COL15A1: variants seen among roughly 807,000 people sequenced by gnomAD.
COL15A1 encodes the protein collagen type XV alpha 1 chain, also known as collagen alpha-1(XV) chain.
COL15A1 carries 111 observed loss-of-function variants against 165.9 expected under a neutral mutation model. The ratio of observed to expected loss-of-function variants is 0.67; its 90% CI spans 0.57 to 0.78. The LOEUF (loss-of-function observed/expected upper bound fraction) is 0.78. Among genes scored for constraint, COL15A1 ranks in the 30% least tolerant of loss-of-function variants. The probability of loss-of-function intolerance (pLI) is 0.00; values close to 1 mark genes in which losing one functional copy is unlikely to be tolerated. For synonymous variants in COL15A1, 659 were observed against 674.8 expected, an observed-to-expected ratio of 0.98 and a Z score of 0.36; for missense variants, 1,745 against 1,789.7, an observed-to-expected ratio of 0.98 and a Z score of 0.45.
At chr9:98,971,044 AG>A (rs937085158) in intron 2 of COL15A1, among the ~76,000 whole-genome samples, 2 of 152,134 alleles carry the variant, frequency 1.3e-5, no homozygotes, top group Non-Finnish European at 2.9e-5. Context: ...CCTGTGTGTT[AG>A]GGGGCCAAGG....
intron 31 of COL15A1, among the ~76,000 whole-genome samples, chr9:99,054,259 C>A (rs562251103): frequency 1.3e-5 from 2 of 152,286 alleles, no homozygotes; most frequent in African/African-American, 4.8e-5. Flanking sequence ...ACTGACCAAG[C>A]CAGGGTTAGC....
At chr9:99,056,691 G>A (rs1171852736) in intron 35 of COL15A1, among the ~76,000 whole-genome samples, 3 of 152,096 alleles carry the variant, frequency 2.0e-5, no homozygotes, top group South Asian at 2.1e-4. Context: ...ATACCAATTA[G>A]CAGTTGTTCT....
chr9:99,015,658 C>G (rs775340602), intron 10 of COL15A1, 92 bp downstream of exon 10: 320 of 1,267,838 alleles, frequency 2.5e-4, no homozygotes, highest in Non-Finnish European at 3.4e-4. Flanking sequence ...GCAGGGGCAC[C>G]TGTAGCTTGG....
chr9:99,041,977 T>C lies in COL15A1; in HGVS notation c.2512-68T>C, dbSNP rs375931396. On this transcript the variant is annotated intron_variant, in intron 23 of 41. Coordinates refer to ENST00000375001, the MANE Select transcript of COL15A1 (RefSeq NM_001855.5). ...TGTATTCTACTGTTGAGAAAAAATA[T>C]ATTTCTGATTGGTTTATGCATTTTA... The C allele has an allele frequency of 3.0e-4, 317 of 1,040,276 alleles. No individual in the cohort carries two copies. In the Middle Eastern group the frequency reaches 6.9e-3, roughly 23 times the overall value. The allele number at this position is 1,040,276 out of a possible 1,614,324, so 64.4% of individuals were successfully genotyped here.
At chr9:98,971,523 G>T (rs973222279) in intron 2 of COL15A1, among the ~76,000 whole-genome samples, 5 of 152,030 alleles carry the variant, frequency 3.3e-5, no homozygotes, top group Non-Finnish European at 7.4e-5. Flanking sequence ...GCTCACGCCT[G>T]CCCGCACCTG....
chr9:99,000,551 A>C (rs561008335), intron 6 of COL15A1, among the ~76,000 whole-genome samples: 1 of 152,268 alleles, frequency 6.6e-6, no homozygotes, highest in East Asian at 1.9e-4. Flanking sequence ...CTTGTGACAC[A>C]CAGTACTCAA....
rs1466396962 is a variant in COL15A1 at position 99,030,421 on chromosome 9, T to A, written c.2044-4128T>A. ...CCCTCAGCCTGTTCATTGGAGCTCC[T>A]CCTTTTCACCCTGCCTGTTCACATA... On this transcript the variant is annotated intron_variant, in intron 16 of 41. Coordinates refer to ENST00000375001, the MANE Select transcript of COL15A1 (RefSeq NM_001855.5). Among the ~76,000 whole-genome samples, 3 of 152,196 alleles carry A rather than the reference T, an allele frequency of 2.0e-5. No homozygotes were observed. In the East Asian group the frequency reaches 5.8e-4, roughly 29 times the overall value.
In COL15A1 at chr9:99,025,963, G is replaced by A. The variant is rs1422791238; in HGVS notation, c.2040G>A (p.Glu680=). The A allele has an allele frequency of 1.2e-6, 2 of 1,611,116 alleles. No homozygotes were observed. The highest frequency in any genetic ancestry group is 1.3e-5 in the African/African-American group (1 of 75,012). The part of the protein sequence containing the change: ...GATGLPGMKG[E]KGARGPNGSV... ...CCGGCCTTCCCGGGATGAAAGGGGA[G>A]AAGGTACGGGGAACACGGGAGGGTC... The change falls in exon 16 of 42, where the codon GAG becomes GAA. Residue 680 remains glutamate, a synonymous_variant. Transcript: ENST00000375001.
chr9:99,044,448 A>T lies in COL15A1; in HGVS notation c.2575-120A>T. ...AGGATGAAGGCAAGAGAAATAAATC[A>T]TGGCTGCAGGACTCAGAGGTCTCTG... On this transcript the variant is annotated intron_variant, in intron 24 of 41. Coordinates refer to ENST00000375001, the MANE Select transcript of COL15A1 (RefSeq NM_001855.5). 3 of 860,624 alleles carry T rather than the reference A, an allele frequency of 3.5e-6. No homozygotes were observed. The South Asian group carries it at 4.4e-5, about 13-fold the overall frequency. The allele number at this position is 860,624 out of a possible 1,614,324, so 53.3% of individuals were successfully genotyped here.
At chr9:98,978,514 G>A (rs1017664146) in intron 2 of COL15A1, among the ~76,000 whole-genome samples, 4 of 152,216 alleles carry the variant, frequency 2.6e-5, no homozygotes, top group South Asian at 2.1e-4. Context: ...TTGGATAAGC[G>A]AAGAAGAAAG....
rs1361310806 is a variant in COL15A1 at position 98,959,584 on chromosome 9, T to C, written c.100+15334T>C. The stretch of plus-strand genomic sequence containing the variant: ...GTGTACTTCAGCCTGGGCAACAGAG[T>C]GAGATCTTGCCATAAAAAAAAAAAA... On this transcript the variant is annotated intron_variant, in intron 2 of 41. Transcript: ENST00000375001. Among the ~76,000 whole-genome samples the C allele has an allele frequency of 2.6e-5, 4 of 151,582 alleles. No homozygotes were observed. In the East Asian group the frequency reaches 7.8e-4, roughly 29 times the overall value.
At chr9:99,032,245 C>T (rs545835474) in intron 16 of COL15A1, among the ~76,000 whole-genome samples, 1 of 151,894 alleles carries the variant, frequency 6.6e-6, no homozygotes, top group Non-Finnish European at 1.5e-5. Context: ...GATGGAGTCA[C>T]GCAGTGGTGC....
chr9:98,943,971 G>A lies in COL15A1; in HGVS notation c.-91G>A. On this transcript the variant is annotated 5_prime_UTR_variant, in exon 1 of 42. Coordinates refer to ENST00000375001, the MANE Select transcript of COL15A1 (RefSeq NM_001855.5). Reference sequence around the variant, plus strand: ...TCCCTGCAGGAAGGGCGAGCGCGGCGGCCAGCGCTCAGCGACCCTTCGTCC... The same window carrying A: ...TCCCTGCAGGAAGGGCGAGCGCGGCAGCCAGCGCTCAGCGACCCTTCGTCC... 2 of 1,554,710 alleles carry A rather than the reference G, an allele frequency of 1.3e-6. No individual in the cohort carries two copies. Among genetic ancestry groups the A allele is most frequent in the South Asian group, 1.2e-5 (1 of 86,342 alleles).
intron 26 of COL15A1, among the ~76,000 whole-genome samples, chr9:99,047,506 A>G (rs748975297): frequency 8.7e-4 from 133 of 152,158 alleles, no homozygotes; most frequent in Non-Finnish European, 1.6e-3. Context: ...CTTGCTCCTT[A>G]GTTAACCCTG....
At chr9:99,068,803 C>G (rs1401448406) in intron 41 of COL15A1, 133 bp downstream of exon 41, 1 of 577,334 alleles carries the variant, frequency 1.7e-6, no homozygotes. Context: ...AACTGAGGGC[C>G]TCAGAGAAAG....
intron 41 of COL15A1, among the ~76,000 whole-genome samples, chr9:99,068,908 G>A (rs1328321702): frequency 6.6e-6 from 1 of 152,188 alleles, no homozygotes; most frequent in Non-Finnish European, 1.5e-5. Context: ...TGCCTTACCT[G>A]TCAAATGGGC....
chr9:99,046,459 C>T (rs1190853010), intron 26 of COL15A1, among the ~76,000 whole-genome samples: 1 of 152,188 alleles, frequency 6.6e-6, no homozygotes, highest in Non-Finnish European at 1.5e-5. Context: ...TTAGTCCATT[C>T]TCACGCTGCT....
intron 26 of COL15A1, among the ~76,000 whole-genome samples, chr9:99,046,744 C>T (rs1041068427): frequency 3.3e-5 from 5 of 152,164 alleles, no homozygotes; most frequent in Non-Finnish European, 7.4e-5. Context: ...CCATGACATG[C>T]GGGGGTTGTG....
Position 99,069,755 on chromosome 9 carries a change from G to T in COL15A1, c.4036G>T (p.Asp1346Tyr), listed in dbSNP as rs763038024. 1 of 1,614,248 alleles carries T rather than the reference G, an allele frequency of 6.2e-7. No homozygotes were observed. The highest frequency in any genetic ancestry group is 1.1e-5 in the South Asian group (1 of 91,088). ...DNYCEAWRTA[D>Y]TAVTGLASPL... ...CTACTGTGAAGCATGGCGAACCGCG[G>T]ACACAGCGGTCACGGGACTTGCCTC... The change falls in exon 42 of 42, where the codon GAC becomes TAC. Residue 1346 changes from aspartate (D) to tyrosine (Y), a missense_variant. Transcript: ENST00000375001.
Sources: gnomAD v4.1 joint callset for allele counts (sites outside exome capture counted in the v4.1 genomes callset) on GRCh38, gnomAD v4.1.1 for gene constraint, MANE v1.5 for transcripts, NCBI Gene and HGNC (gene_info 2026-07-23, HGNC 2026-07-21) for gene names.